The following DDX42 variants were observed in gnomAD, a reference collection of about 807,000 sequenced individuals.
DDX42 encodes DEAD-box helicase 42.
In DDX42, 22 loss-of-function variants were observed where a neutral mutation model predicts 101.5. That is an observed-to-expected ratio of 0.22 (90% CI 0.15 to 0.31). The LOEUF (loss-of-function observed/expected upper bound fraction) is 0.31. Among genes scored for constraint, DDX42 ranks in the 10% least tolerant of loss-of-function variants. DDX42 has a pLI of 1.00. For synonymous variants in DDX42, 402 were observed against 401.2 expected (o/e 1.00, Z -0.02); for missense variants, 849 against 1,199.9 (o/e 0.71, Z 4.32).
chr17:63,775,450 G>A (rs1264307397), intron 1 of DDX42, among the ~76,000 whole-genome samples: 1 of 152,160 alleles, frequency 6.6e-6, no homozygotes. Flanking sequence ...AAGATGATCA[G>A]TATCTTAGGG....
intron 2 of DDX42, among the ~76,000 whole-genome samples, chr17:63,792,091 A>G (rs1305670592): frequency 6.6e-6 from 1 of 151,778 alleles, no homozygotes; most frequent in Non-Finnish European, 1.5e-5. Context: ...CAGCTCTTTA[A>G]TATTTGTCAT....
At chr17:63,790,167 T>G (rs1049966059) in intron 2 of DDX42, among the ~76,000 whole-genome samples, 1 of 152,098 alleles carries the variant, frequency 6.6e-6, no homozygotes, top group Admixed American at 6.6e-5. Flanking sequence ...AACAAAAAAC[T>G]AAAAACCTAC....
chr17:63,784,038 T>G (rs1323124363), intron 1 of DDX42, among the ~76,000 whole-genome samples: 2 of 152,246 alleles, frequency 1.3e-5, no homozygotes, highest in East Asian at 3.9e-4. Context: ...CACTCCAGCC[T>G]GGGAGGCAGA....
At chr17:63,800,769 G>A in intron 6 of DDX42, 152 bp downstream of exon 6, 1 of 882,940 alleles carries the variant, frequency 1.1e-6, no homozygotes, top group Non-Finnish European at 1.6e-6. Context: ...CAAATTCCAT[G>A]AGGCTTTATA....
At chr17:63,790,065 T>G (rs921224759) in intron 2 of DDX42, among the ~76,000 whole-genome samples, 4 of 152,144 alleles carry the variant, frequency 2.6e-5, no homozygotes, top group African/African-American at 9.7e-5. Context: ...GAAAGACTGC[T>G]TGAGCCCAGG....
intron 6 of DDX42, among the ~76,000 whole-genome samples, chr17:63,803,392 C>T (rs1375343816): frequency 6.6e-6 from 1 of 151,708 alleles, no homozygotes; most frequent in Non-Finnish European, 1.5e-5. Context: ...AGTTTGAGAC[C>T]AGCCTGGCCA....
At chr17:63,811,883 C>T in intron 13 of DDX42, 49 bp from the exon 14 acceptor site, 2 of 1,612,256 alleles carry the variant, frequency 1.2e-6, no homozygotes, top group Non-Finnish European at 1.7e-6. Context: ...TGTTCAGGTG[C>T]CCTGTGGCTC....
At chr17:63,776,833 T>G (rs761583953) in intron 1 of DDX42, among the ~76,000 whole-genome samples, 9 of 152,150 alleles carry the variant, frequency 5.9e-5, no homozygotes, top group Non-Finnish European at 1.2e-4. Context: ...GAGGTTCATA[T>G]CAAGTTAGTA....
chr17:63,809,890 A>G (rs774811661), intron 11 of DDX42, among the ~76,000 whole-genome samples: 1 of 152,006 alleles, frequency 6.6e-6, no homozygotes, highest in Non-Finnish European at 1.5e-5. Flanking sequence ...TAAGGGGAAT[A>G]TTTTCTCTGT....
At chr17:63,814,984 G>T (rs138549535) in intron 15 of DDX42, among the ~76,000 whole-genome samples, 32 of 152,240 alleles carry the variant, frequency 2.1e-4, no homozygotes, top group African/African-American at 7.2e-4. Flanking sequence ...CCACCGCCCT[G>T]CATTCTTAAG....
chr17:63,799,649 A>T, intron 5 of DDX42, 24 bp downstream of exon 5: 1 of 1,608,852 alleles, frequency 6.2e-7, no homozygotes, highest in Non-Finnish European at 8.5e-7. Context: ...CAGTATTTCT[A>T]TCTTTTATTT....
chr17:63,782,128 A>C (rs1326373022), intron 1 of DDX42, among the ~76,000 whole-genome samples: 1 of 152,054 alleles, frequency 6.6e-6, no homozygotes, highest in Non-Finnish European at 1.5e-5. Context: ...AAATACAAAA[A>C]TTAGCTGGGC....
chr17:63,810,202 C>T, intron 11 of DDX42: 2 of 205,838 alleles, frequency 9.7e-6, no homozygotes, highest in South Asian at 2.4e-4. Flanking sequence ...TCTTCTGCCT[C>T]AGCCTCCTGA....
At chr17:63,803,079 A>T (rs998710054) in intron 6 of DDX42, among the ~76,000 whole-genome samples, 5 of 152,220 alleles carry the variant, frequency 3.3e-5, no homozygotes, top group Non-Finnish European at 5.9e-5. Flanking sequence ...CATTTGGATG[A>T]TCTGTATATA....
chr17:63,804,028 C>T (rs2039807491), intron 6 of DDX42, among the ~76,000 whole-genome samples: 1 of 151,848 alleles, frequency 6.6e-6, no homozygotes, highest in South Asian at 2.1e-4. Context: ...CTATTTAAGT[C>T]GACATTAATA....
At chr17:63,790,502 T>G (rs987492484) in intron 2 of DDX42, among the ~76,000 whole-genome samples, 1 of 152,156 alleles carries the variant, frequency 6.6e-6, no homozygotes, top group Admixed American at 6.6e-5. Flanking sequence ...GGCTCAAACC[T>G]GTAATCCCAG....
intron 2 of DDX42, among the ~76,000 whole-genome samples, chr17:63,790,453 C>T (rs911455979): frequency 2.0e-5 from 3 of 151,934 alleles, no homozygotes; most frequent in Admixed American, 1.3e-4. Flanking sequence ...GGTGAAACCC[C>T]GTCTCTACTA....
intron 1 of DDX42, among the ~76,000 whole-genome samples, chr17:63,781,293 C>T (rs1177079293): frequency 6.6e-6 from 1 of 152,158 alleles, no homozygotes; most frequent in East Asian, 1.9e-4. Context: ...TCTTGGCTCA[C>T]CGCAAGCTCT....
rs370567643 is a variant in DDX42 at position 63,816,945 on chromosome 17, G to A, written c.2091G>A (p.Thr697=). The A allele has an allele frequency of 2.1e-5, 34 of 1,613,698 alleles. No homozygotes were observed. The highest frequency in any genetic ancestry group is 1.6e-4 in the Middle Eastern group (1 of 6,084). The change falls in exon 17 of 18, where the codon ACG becomes ACA. Residue 697 remains threonine (T), a synonymous_variant. Coordinates refer to ENST00000389924, the MANE Select transcript of DDX42 (RefSeq NM_203499.3). ...PSTGAMGDRL[T]AMKAAFQSQY... The stretch of plus-strand genomic sequence containing the variant: ...CAGGAGCTATGGGAGATCGACTAAC[G>A]GCAATGAAAGCAGCTTTCCAGGTCT...
Sources: gnomAD v4.1 joint callset for allele counts (sites outside exome capture counted in the v4.1 genomes callset) on GRCh38, gnomAD v4.1.1 for gene constraint, MANE v1.5 for transcripts, NCBI Gene and HGNC (gene_info 2026-07-23, HGNC 2026-07-21) for gene names.